Variants in VRK2 observed in about 807,000 individuals in gnomAD.
VRK2 encodes serine/threonine-protein kinase VRK2.
Under a neutral mutation model 57.6 loss-of-function variants are expected in VRK2, and 60 were observed. The ratio of observed to expected loss-of-function variants is 1.04; its 90% CI spans 0.85 to 1.29. The LOEUF (loss-of-function observed/expected upper bound fraction) is 1.29. VRK2 is among the 50% of genes most tolerant of loss of function. The pLI is 0.00. For missense variants in VRK2, 705 were observed against 588.1 expected (o/e 1.20, Z -2.06); for synonymous variants, 231 against 199.2 (o/e 1.16, Z -1.35).
At chr2:58,067,520 T>C (rs1025562408) in intron 2 of VRK2, among the ~76,000 whole-genome samples, 1 of 152,150 alleles carries the variant, frequency 6.6e-6, no homozygotes, top group Non-Finnish European at 1.5e-5. Flanking sequence ...TCATGTTTTC[T>C]TTTTTGTCTT....
intron 1 of VRK2, among the ~76,000 whole-genome samples, chr2:57,945,986 C>T (rs1671250269): frequency 6.6e-6 from 1 of 152,080 alleles, no homozygotes; most frequent in Non-Finnish European, 1.5e-5. Context: ...AGGTCCACTA[C>T]TGAATATCCA....
chr2:57,930,422 G>C (rs542814419), intron 1 of VRK2, among the ~76,000 whole-genome samples: 1 of 152,134 alleles, frequency 6.6e-6, no homozygotes, highest in Admixed American at 6.5e-5. Flanking sequence ...TCTGGGCCAC[G>C]CAGCCACTGC....
chr2:58,098,036 A>G (rs963345267), intron 7 of VRK2, among the ~76,000 whole-genome samples: 5 of 152,056 alleles, frequency 3.3e-5, no homozygotes, highest in Non-Finnish European at 7.4e-5. Context: ...GATGTGGCAG[A>G]CAGTGATATT....
chr2:57,968,114 G>A (rs1184944704), intron 1 of VRK2, among the ~76,000 whole-genome samples: 1 of 151,986 alleles, frequency 6.6e-6, no homozygotes, highest in Non-Finnish European at 1.5e-5. Context: ...TAAAACTGCG[G>A]TAGCTAAATC....
intron 1 of VRK2, among the ~76,000 whole-genome samples, chr2:57,975,327 G>A (rs1484178399): frequency 6.6e-6 from 1 of 151,890 alleles, no homozygotes; most frequent in Non-Finnish European, 1.5e-5. Flanking sequence ...AAATTTCTTA[G>A]AAGCAACAGT....
At chr2:58,058,813 A>G (rs1437328998) in intron 2 of VRK2, among the ~76,000 whole-genome samples, 1 of 152,066 alleles carries the variant, frequency 6.6e-6, no homozygotes, top group South Asian at 2.1e-4. Context: ...TTGAGGCCTA[A>G]AGAGGATACG....
At chr2:58,009,061 A>G (rs1399662548) in intron 1 of VRK2, among the ~76,000 whole-genome samples, 2 of 152,062 alleles carry the variant, frequency 1.3e-5, no homozygotes, top group African/African-American at 2.4e-5. Flanking sequence ...AGGAGCTCTC[A>G]TGGCCTAATG....
At chr2:58,038,425 C>T (rs1218454985) in intron 3 of VRK2, among the ~76,000 whole-genome samples, 24 of 152,242 alleles carry the variant, frequency 1.6e-4, no homozygotes, top group South Asian at 8.3e-4. Context: ...AACATGAGCA[C>T]ACACAGGAAG....
At chr2:58,127,417 C>A (rs3771212) in intron 8 of VRK2, among the ~76,000 whole-genome samples, 8 of 152,090 alleles carry the variant, frequency 5.3e-5, no homozygotes, top group Admixed American at 5.2e-4. Context: ...TTCACACACA[C>A]AAAACTAGGG....
chr2:57,999,542 T>G (rs953021332), intron 1 of VRK2, among the ~76,000 whole-genome samples: 3 of 152,156 alleles, frequency 2.0e-5, no homozygotes, highest in African/African-American at 7.2e-5. Context: ...CACAGCTTTA[T>G]CTTTAATCAG....
At chr2:58,154,958 A>AT (rs201398389) in intron 12 of VRK2, among the ~76,000 whole-genome samples, 31 of 151,478 alleles carry the variant, frequency 2.0e-4, no homozygotes, top group East Asian at 7.7e-4. Context: ...GTATCTGAAG[A>AT]TTTTTTTTTC....
Position 58,029,035 on chromosome 2 carries a change from A to T in VRK2, c.-333+3265A>T, listed in dbSNP as rs186901596. Among the ~76,000 whole-genome samples the T allele has an allele frequency of 1.5e-4, 23 of 150,076 alleles. 1 individual carries two copies. In the East Asian group the frequency reaches 4.5e-3, roughly 29 times the overall value. On this transcript the variant is annotated intron_variant, in intron 2 of 15. Coordinates refer to the VRK2 transcript ENST00000417641. Reference sequence around the variant, plus strand: ...TGACAGTTATATTAAAACACTTAACAATTTGATCTCTCTAGAAAAATACCT... The same window carrying T: ...TGACAGTTATATTAAAACACTTAACTATTTGATCTCTCTAGAAAAATACCT...
intron 1 of VRK2, among the ~76,000 whole-genome samples, chr2:58,013,778 G>T (rs1389813454): frequency 7.1e-6 from 1 of 140,292 alleles, no homozygotes; most frequent in Non-Finnish European, 1.5e-5. Context: ...AGAATGGCGT[G>T]AACCCGGAAG....
At chr2:57,990,271 G>A (rs901191812) in intron 1 of VRK2, among the ~76,000 whole-genome samples, 1 of 152,146 alleles carries the variant, frequency 6.6e-6, no homozygotes, top group Admixed American at 6.5e-5. Context: ...GGCTTATCTT[G>A]ATTTCTTCGT....
chr2:57,956,237 C>A (rs886551132), intron 1 of VRK2, among the ~76,000 whole-genome samples: 1 of 151,942 alleles, frequency 6.6e-6, no homozygotes, highest in African/African-American at 2.4e-5. Flanking sequence ...AATAAAAAAT[C>A]TGCTGGGCAT....
At chr2:58,139,015 G>A (rs929514342) in intron 10 of VRK2, among the ~76,000 whole-genome samples, 4 of 152,112 alleles carry the variant, frequency 2.6e-5, no homozygotes, top group African/African-American at 7.2e-5. Flanking sequence ...AGTTCTAGGG[G>A]AACATTTCTT....
At chr2:58,153,209 C>T (rs1208866095) in intron 12 of VRK2, among the ~76,000 whole-genome samples, 2 of 151,960 alleles carry the variant, frequency 1.3e-5, no homozygotes, top group Admixed American at 6.5e-5. Context: ...CCCTTGAGAT[C>T]GATCCAAGTT....
chr2:58,122,805 G>C (rs187374637), intron 7 of VRK2, among the ~76,000 whole-genome samples: 1 of 152,204 alleles, frequency 6.6e-6, no homozygotes, highest in East Asian at 1.9e-4. Context: ...GACATATTGT[G>C]GTTTATGATG....
chr2:58,018,324 A>C (rs1673648416), intron 1 of VRK2, among the ~76,000 whole-genome samples: 1 of 152,178 alleles, frequency 6.6e-6, no homozygotes, highest in Non-Finnish European at 1.5e-5. Context: ...GAAGTTTTAG[A>C]ACTATTAAAT....
Sources: gnomAD v4.1 joint callset for allele counts (sites outside exome capture counted in the v4.1 genomes callset) on GRCh38, gnomAD v4.1.1 for gene constraint, MANE v1.5 for transcripts, NCBI Gene and HGNC (gene_info 2026-07-23, HGNC 2026-07-21) for gene names.